COL6A5: variants seen among roughly 807,000 people sequenced by gnomAD.
COL6A5 encodes the protein collagen type VI alpha 5 chain.
COL6A5 carries 48 observed loss-of-function variants against 65.6 expected under a neutral mutation model. That is an observed-to-expected ratio of 0.73 (90% CI 0.58 to 0.93). The LOEUF is 0.93. Ranked by LOEUF, COL6A5 falls within the 40% of genes least tolerant of loss-of-function variation. The pLI is 0.00. For synonymous variants in COL6A5, 291 were observed against 322.8 expected (o/e 0.90, Z 1.05); for missense variants, 914 against 928.3 (o/e 0.98, Z 0.20).
intron 28 of COL6A5, 62 bp from the exon 29 acceptor site, chr3:130,423,776 T>C: frequency 7.8e-7 from 1 of 1,283,650 alleles, no homozygotes; most frequent in South Asian, 1.4e-5. Flanking sequence ...TTATCGAAAC[T>C]GAAGTAGTCC....
intron 12 of COL6A5, among the ~76,000 whole-genome samples, chr3:130,402,304 A>C (rs1271407241): frequency 1.3e-5 from 2 of 152,240 alleles, no homozygotes; most frequent in East Asian, 3.8e-4. Flanking sequence ...GTTGTGCTTC[A>C]TCAGTAACAG....
chr3:130,355,365 T>C (rs1181345290), intron 1 of COL6A5, among the ~76,000 whole-genome samples: 1 of 151,966 alleles, frequency 6.6e-6, no homozygotes, highest in Non-Finnish European at 1.5e-5. Flanking sequence ...CTTGCCCCTA[T>C]AAAACACAAA....
chr3:130,462,769 A>T (rs538402616), intron 5 of COL6A5, among the ~76,000 whole-genome samples: 87 of 152,184 alleles, frequency 5.7e-4, no homozygotes, highest in Admixed American at 1.5e-3. Flanking sequence ...TTGGAAGAAA[A>T]CGTTCTCTGG....
chr3:130,383,704 A>C (rs1389403118), intron 4 of COL6A5, among the ~76,000 whole-genome samples: 1 of 152,092 alleles, frequency 6.6e-6, no homozygotes, highest in Admixed American at 6.6e-5. Flanking sequence ...AAACCAGATA[A>C]TGACACACAT....
intron 18 of COL6A5, 82 bp from the exon 19 acceptor site, chr3:130,409,927 C>A: frequency 1.1e-6 from 1 of 941,780 alleles, no homozygotes; most frequent in Non-Finnish European, 1.6e-6. Context: ...CCCAAATTAG[C>A]TTAGTACTTG....
chr3:130,451,243 A>G (rs977258699), intron 4 of COL6A5, among the ~76,000 whole-genome samples: 2 of 152,116 alleles, frequency 1.3e-5, no homozygotes, highest in Admixed American at 6.6e-5. Context: ...TTGGCGTAAT[A>G]AGTGTTGCAC....
intron 8 of COL6A5, among the ~76,000 whole-genome samples, chr3:130,397,315 A>G (rs1936636146): frequency 6.6e-6 from 1 of 152,172 alleles, no homozygotes. Context: ...GGAAGTTTTA[A>G]TATTTTAAAG....
chr3:130,450,105 ACCCATTTG>A (rs1709397948), intron 4 of COL6A5, among the ~76,000 whole-genome samples: 2 of 150,724 alleles, frequency 1.3e-5, no homozygotes, highest in African/African-American at 4.9e-5. Flanking sequence ...GTTTGTTGGG[ACCCATTTG>A]GTTTGGCTGT....
At chr3:130,483,063 G>C (rs1301314865) in intron 7 of COL6A5, among the ~76,000 whole-genome samples, 4 of 152,082 alleles carry the variant, frequency 2.6e-5, no homozygotes, top group African/African-American at 9.7e-5. Context: ...GAGAGTGGGG[G>C]CCAATATTCA....
At chr3:130,383,338 C>G (rs1483168877) in intron 4 of COL6A5, among the ~76,000 whole-genome samples, 1 of 151,954 alleles carries the variant, frequency 6.6e-6, no homozygotes, top group Non-Finnish European at 1.5e-5. Context: ...ACTAGTGGCT[C>G]GTGTATTGGA....
At chr3:130,466,586 C>T (rs1166424465) in intron 5 of COL6A5, among the ~76,000 whole-genome samples, 1 of 151,132 alleles carries the variant, frequency 6.6e-6, no homozygotes, top group Admixed American at 6.6e-5. Flanking sequence ...CTAGATAAAC[C>T]CAAGGTAAGT....
chr3:130,379,587 C>T, exon 4 of COL6A5: 2 of 1,551,460 alleles, frequency 1.3e-6, no homozygotes, highest in Non-Finnish European at 1.7e-6. Flanking sequence ...TGATGAGTTA[C>T]AGCAATAGTG....
intron 25 of COL6A5, among the ~76,000 whole-genome samples, chr3:130,419,278 A>G (rs1433005175): frequency 6.6e-6 from 1 of 152,150 alleles, no homozygotes; most frequent in Admixed American, 6.5e-5. Flanking sequence ...GTCTAAGGTG[A>G]CAATAAGAGA....
chr3:130,397,430 A>G lies in COL6A5; in HGVS notation c.3569-153A>G, dbSNP rs997098271. 3.9e-5 allele frequency among the ~76,000 whole-genome samples: 6 copies of G among 152,234 alleles called. No homozygotes were observed. The East Asian group carries it at 1.2e-3, about 29-fold the overall frequency. ...ATATGATATATGTATATGTATATAT[A>G]TGATAAAGCAGCCAGTATCTTCCTT... On this transcript the variant is annotated intron_variant and NMD_transcript_variant, in intron 8 of 41. Transcript: ENST00000312481.
chr3:130,417,435 T>C (rs749957422), intron 24 of COL6A5, among the ~76,000 whole-genome samples: 1 of 152,136 alleles, frequency 6.6e-6, no homozygotes, highest in Non-Finnish European at 1.5e-5. Context: ...AAAGAGTTTC[T>C]AACTGCTGAC....
At position 130,392,775 on chromosome 3, in the gene COL6A5, G is replaced by T. The variant is rs530642960; in HGVS notation, c.2992+1021G>T. 3.1e-4 allele frequency among the ~76,000 whole-genome samples: 47 copies of T among 152,156 alleles called. No homozygotes were observed. The South Asian group carries it at 9.3e-3, about 30-fold the overall frequency. ...CCTGTGTCAGATCAGCATTTGCTTGGCTAAATAAAACTATGCCTGACCACC... is the reference window on the plus strand; with the variant it reads ...CCTGTGTCAGATCAGCATTTGCTTGTCTAAATAAAACTATGCCTGACCACC... On this transcript the variant is annotated intron_variant and NMD_transcript_variant, in intron 7 of 41. Transcript: ENST00000312481.
chr3:130,436,092 T>A (rs59059714), intron 1 of COL6A5, among the ~76,000 whole-genome samples: 137 of 152,198 alleles, frequency 9.0e-4, no homozygotes, highest in African/African-American at 2.9e-3. Flanking sequence ...AAAAAAGTAT[T>A]AGCAGGTTAA....
intron 7 of COL6A5, 53 bp downstream of exon 39, chr3:130,471,020 A>C (rs763596458): frequency 7.9e-7 from 1 of 1,267,926 alleles, no homozygotes. Flanking sequence ...AACAGTTCTT[A>C]AGAAAACTGT....
intron 20 of COL6A5, among the ~76,000 whole-genome samples, chr3:130,412,570 G>A (rs986818407): frequency 3.9e-5 from 6 of 152,164 alleles, no homozygotes; most frequent in Non-Finnish European, 8.8e-5. Flanking sequence ...AGACAGAATT[G>A]TGATGTTATA....
Sources: allele counts gnomAD v4.1 joint callset (sites outside exome capture counted in the v4.1 genomes callset), GRCh38; gene constraint gnomAD v4.1.1; transcripts MANE v1.5; gene names NCBI Gene and HGNC (gene_info 2026-07-23, HGNC 2026-07-21).